Variants in OR1J2 observed in about 807,000 individuals in gnomAD.
OR1J2 encodes olfactory receptor 1J2.
For missense variants in OR1J2, 304 were observed against 246.1 expected, an observed-to-expected ratio of 1.24 and a Z score of -1.57; for synonymous variants, 142 against 99.7, an observed-to-expected ratio of 1.42 and a Z score of -2.52.
chr9:122,523,801 G>A, the OR1J2 span, among the ~76,000 whole-genome samples: 2 of 152,118 alleles, frequency 1.3e-5, no homozygotes, highest in African/African-American at 2.4e-5. Flanking sequence ...CTTAAAAATG[G>A]GTTCTGAGCA....
the OR1J2 span, among the ~76,000 whole-genome samples, chr9:122,552,904 C>T: frequency 5.9e-5 from 9 of 151,782 alleles, no homozygotes; most frequent in African/African-American, 2.2e-4. Flanking sequence ...TTCTCACTTC[C>T]TCTAAATAGC....
the OR1J2 span, among the ~76,000 whole-genome samples, chr9:122,479,896 T>C: frequency 3.9e-5 from 6 of 152,218 alleles, no homozygotes; most frequent in Non-Finnish European, 1.5e-5. Context: ...TAAAAAACTT[T>C]TACTGGGCTT....
chr9:122,542,480 A>G, the OR1J2 span, among the ~76,000 whole-genome samples: 2 of 152,178 alleles, frequency 1.3e-5, no homozygotes, highest in African/African-American at 4.8e-5. Context: ...CTGTATTTTC[A>G]ACAGAACTAG....
the OR1J2 span, among the ~76,000 whole-genome samples, chr9:122,450,645 G>T: frequency 2.0e-5 from 3 of 152,018 alleles, no homozygotes; most frequent in African/African-American, 7.3e-5. Flanking sequence ...TCTGTAATAC[G>T]TTGGTGTTCA....
At chr9:122,513,793 C>T (rs1828667861), downstream of OR1J2, among the ~76,000 whole-genome samples, 1 of 151,936 alleles carries the variant, frequency 6.6e-6, no homozygotes, top group South Asian at 2.1e-4. Context: ...AGCATTTTCA[C>T]AGTTGTTTCT....
At chr9:122,567,423 A>G in the OR1J2 span, 2 of 674,960 alleles carry the variant, frequency 3.0e-6, no homozygotes, top group South Asian at 2.0e-5. Flanking sequence ...AGTGCCCACA[A>G]TAGCCTTGTC....
At position 122,511,550 on chromosome 9, in the gene OR1J2, T is replaced by A. The variant is rs763323906; in HGVS notation, c.749T>A (p.Leu250His). ...GGCTCCCATCTCTCTGTGGTGTCTC[T>A]CTATTATGGGTCAATATTTGGCCAG... ...TCGSHLSVVSLYYGSIFGQYL... is the reference protein window; with the variant it reads ...TCGSHLSVVSHYYGSIFGQYL... Residue 250 changes from leucine to histidine, a missense_variant, in exon 1 of 1, where the codon CTC becomes CAC. By Grantham distance (99) the Leu-to-His change is moderately conservative (BLOSUM62 -3). Transcript: ENST00000335302. The A allele has an allele frequency of 1.3e-6, 1 of 780,916 alleles. No homozygotes were observed. The highest frequency in any genetic ancestry group is 2.4e-6 in the Non-Finnish European group (1 of 418,130). The allele number at this position is 780,916 out of a possible 1,614,324, so 48.4% of individuals were successfully genotyped here.
the OR1J2 span, among the ~76,000 whole-genome samples, chr9:122,490,729 GT>G: frequency 6.6e-6 from 1 of 152,150 alleles, no homozygotes; most frequent in Non-Finnish European, 1.5e-5. Context: ...AGGGGAAGAG[GT>G]TCAGGATGAG....
the OR1J2 span, among the ~76,000 whole-genome samples, chr9:122,552,057 ACTCTCT>A: frequency 6.5e-4 from 93 of 144,090 alleles, 1 homozygote; most frequent in South Asian, 6.3e-3. Flanking sequence ...ACACACATAC[ACTCTCT>A]CTCTCTCTCT....
chr9:122,500,895 A>T, the OR1J2 span, among the ~76,000 whole-genome samples: 10 of 152,220 alleles, frequency 6.6e-5, no homozygotes, highest in African/African-American at 1.2e-4. Context: ...GATAAGAATT[A>T]GTTACAAACT....
downstream of OR1J2, among the ~76,000 whole-genome samples, chr9:122,513,158 T>C (rs568323161): frequency 1.4e-4 from 21 of 152,338 alleles, no homozygotes; most frequent in East Asian, 4.0e-3. Flanking sequence ...TCCATGTTAT[T>C]GTTATTTTTA....
At chr9:122,449,472 C>G in the OR1J2 span, among the ~76,000 whole-genome samples, 2 of 152,154 alleles carry the variant, frequency 1.3e-5, no homozygotes, top group Admixed American at 6.5e-5. Flanking sequence ...TGGGTTCACG[C>G]CATTCTCCTG....
chr9:122,519,464 T>G, the OR1J2 span: 1 of 1,614,210 alleles, frequency 6.2e-7, no homozygotes, highest in Non-Finnish European at 8.5e-7. Flanking sequence ...TATTTTTCAC[T>G]GATCTAGACA....
chr9:122,548,518 A>G, the OR1J2 span, among the ~76,000 whole-genome samples: 1 of 152,244 alleles, frequency 6.6e-6, no homozygotes, highest in East Asian at 1.9e-4. Context: ...AAAGTGACTC[A>G]TTAGGAGATG....
chr9:122,511,356 C>T lies in OR1J2; in HGVS notation c.555C>T (p.Leu185=). ...TCTTCTGTGACCTTGCTGCCCTGCT[C>T]AAGCTGTCCTGCTCAGATATCTTCC... is the stretch of plus-strand genomic sequence containing the variant. ...PHVFCDLAAL[L]KLSCSDIFLN... is the part of the protein sequence containing the mutation. The change falls in exon 1 of 1, where the codon CTC becomes CTT. Residue 185 remains leucine (L), a synonymous_variant. Coordinates refer to ENST00000335302, the MANE Select transcript of OR1J2 (RefSeq NM_054107.1). 1.4e-6 allele frequency: 1 copy of T among 733,424 alleles called. No homozygotes were observed. The highest frequency in any genetic ancestry group is 2.5e-6 in the Non-Finnish European group (1 of 394,912). The allele number at this position is 733,424 out of a possible 1,614,324, so 45.4% of individuals were successfully genotyped here.
chr9:122,529,204 C>T, the OR1J2 span, among the ~76,000 whole-genome samples: 1 of 152,154 alleles, frequency 6.6e-6, no homozygotes, highest in South Asian at 2.1e-4. Context: ...GATAAGGCAC[C>T]CTCTGACAGG....
chr9:122,454,733 G>A, the OR1J2 span, among the ~76,000 whole-genome samples: 320 of 152,288 alleles, frequency 2.1e-3, 1 homozygote, highest in African/African-American at 7.1e-3. Context: ...GGCAAACGAA[G>A]ATGGGAATGT....
chr9:122,456,773 G>T, the OR1J2 span, among the ~76,000 whole-genome samples: 1 of 152,184 alleles, frequency 6.6e-6, no homozygotes, highest in African/African-American at 2.4e-5. Flanking sequence ...ATTGTTGCTG[G>T]GAATGTAAAT....
the OR1J2 span, among the ~76,000 whole-genome samples, chr9:122,451,270 A>C: frequency 4.0e-5 from 6 of 151,190 alleles, no homozygotes; most frequent in Admixed American, 6.6e-5. Flanking sequence ...ACTGCAACCT[A>C]CACCACCCGG....
Sources: allele counts gnomAD v4.1 joint callset (sites outside exome capture counted in the v4.1 genomes callset), GRCh38; gene constraint gnomAD v4.1.1; transcripts MANE v1.5; gene names NCBI Gene and HGNC (gene_info 2026-07-23, HGNC 2026-07-21).